Variants in HTR7 observed in about 807,000 individuals in gnomAD.
HTR7 encodes the protein 5-HT-7.
In HTR7, 16 loss-of-function variants were observed where a neutral mutation model predicts 34.0. The observed-to-expected ratio is 0.47, with a 90% CI of 0.32 to 0.71. The LOEUF is 0.71. Among genes scored for constraint, HTR7 ranks in the 30% least tolerant of loss-of-function variants. The probability of loss-of-function intolerance (pLI) is 0.04; values close to 1 mark genes in which losing one functional copy is unlikely to be tolerated. For synonymous variants in HTR7, 265 were observed against 260.2 expected (o/e 1.02, Z -0.18); for missense variants, 504 against 625.5 (o/e 0.81, Z 2.07).
chr10:90,818,050 T>A (rs1238379762), intron 1 of HTR7, among the ~76,000 whole-genome samples: 2 of 152,004 alleles, frequency 1.3e-5, no homozygotes, highest in Non-Finnish European at 2.9e-5. Flanking sequence ...AGGACAGAAG[T>A]GGGTATAGAC....
chr10:90,775,885 T>C (rs1845199315), intron 1 of HTR7, among the ~76,000 whole-genome samples: 1 of 152,018 alleles, frequency 6.6e-6, no homozygotes, highest in South Asian at 2.1e-4. Flanking sequence ...AAACCACAAA[T>C]GAGAGCCATA....
chr10:90,766,898 C>G (rs986828015), intron 1 of HTR7, among the ~76,000 whole-genome samples: 14 of 152,242 alleles, frequency 9.2e-5, no homozygotes, highest in African/African-American at 3.4e-4. Flanking sequence ...GACAGGCCAA[C>G]TGGTAGCATT....
chr10:90,821,090 A>C (rs1845971246), intron 1 of HTR7, among the ~76,000 whole-genome samples: 1 of 151,550 alleles, frequency 6.6e-6, no homozygotes, highest in Admixed American at 6.6e-5. Flanking sequence ...AGAAATATCA[A>C]GTTTAACAGC....
chr10:90,789,594 G>A (rs1161559344), intron 1 of HTR7, among the ~76,000 whole-genome samples: 1 of 152,084 alleles, frequency 6.6e-6, no homozygotes, highest in African/African-American at 2.4e-5. Context: ...AAGGTTAACA[G>A]ACAATTAAGA....
At chr10:90,818,123 T>C (rs1245471582) in intron 1 of HTR7, among the ~76,000 whole-genome samples, 1 of 152,234 alleles carries the variant, frequency 6.6e-6, no homozygotes, top group African/African-American at 2.4e-5. Context: ...TATGTTGGAA[T>C]CTTAATCCCC....
chr10:90,847,722 A>G (rs1181408812), intron 1 of HTR7, among the ~76,000 whole-genome samples: 1 of 152,226 alleles, frequency 6.6e-6, no homozygotes, highest in African/African-American at 2.4e-5. Context: ...TGTAACCATG[A>G]ACAACCCAAA....
chr10:90,848,388 A>G (rs1846445591), intron 1 of HTR7, among the ~76,000 whole-genome samples: 3 of 152,038 alleles, frequency 2.0e-5, no homozygotes, highest in Admixed American at 2.0e-4. Flanking sequence ...CTTATGATAT[A>G]TATTTCCTTC....
At chr10:90,794,206 A>G (rs1845501302) in intron 1 of HTR7, among the ~76,000 whole-genome samples, 1 of 152,216 alleles carries the variant, frequency 6.6e-6, no homozygotes, top group Non-Finnish European at 1.5e-5. Context: ...AGGATCATCA[A>G]TATCACTGTC....
Position 90,857,035 on chromosome 10 carries a change from G to A in HTR7, c.539+98C>T. On this transcript the variant is annotated intron_variant, in intron 1 of 3. Transcript: ENST00000336152. The surrounding 1 kb of genome is among the most constrained non-coding windows in gnomAD (Gnocchi z 6.5). Reference sequence around the variant, plus strand: ...TAAGCGCAGCCCTTCATCCCGCCTTGAAGTCTAGCTTGATCCTCCCAGGAA... The same window carrying A: ...TAAGCGCAGCCCTTCATCCCGCCTTAAAGTCTAGCTTGATCCTCCCAGGAA... The A allele has an allele frequency of 8.6e-7, 1 of 1,158,036 alleles. No individual in the cohort carries two copies. The highest frequency in any genetic ancestry group is 1.2e-6 in the Non-Finnish European group (1 of 831,222). 71.7% of individuals were successfully genotyped at this position (1,158,036 alleles called of 1,614,324 possible).
rs549003729 is a variant in HTR7 at position 90,745,427 on chromosome 10, T to C, written c.1296-1737A>G. Among the ~76,000 whole-genome samples the C allele has an allele frequency of 9.9e-5, 15 of 152,276 alleles. No individual in the cohort carries two copies. In the South Asian group the frequency reaches 1.0e-3, roughly 11 times the overall value. On this transcript the variant is annotated intron_variant, in intron 2 of 3. Coordinates refer to ENST00000336152, the MANE Select transcript of HTR7 (RefSeq NM_019859.4). ...CTAATTACCTCCTAAAGAATCCACA[T>C]TTTCATAGTATTGCATTGGGAATTT...
At chr10:90,841,895 A>G (rs1236204889) in intron 1 of HTR7, among the ~76,000 whole-genome samples, 1 of 152,086 alleles carries the variant, frequency 6.6e-6, no homozygotes, top group Non-Finnish European at 1.5e-5. Flanking sequence ...AGCTACTTGG[A>G]AGGCTGAGGC....
chr10:90,741,227 G>T lies in HTR7; in HGVS notation c.*1255C>A, dbSNP rs550460183. The T allele has an allele frequency of 1.1e-4, 17 of 152,540 alleles. 1 individual carries two copies. Among genetic ancestry groups the T allele is most frequent in the Non-Finnish European group, 2.2e-4 (15 of 67,984 alleles). 9.4% of individuals were successfully genotyped at this position (152,540 alleles called of 1,614,324 possible). ...TTCATTTTTCCCCTTGTAGGTACAG[G>T]TACTCTTCTATTCTCATCTACTGTC... is the stretch of plus-strand genomic sequence containing the variant. On this transcript the variant is annotated 3_prime_UTR_variant, in exon 4 of 4. Transcript: ENST00000336152.
chr10:90,850,836 G>C (rs1846486620), intron 1 of HTR7, among the ~76,000 whole-genome samples: 1 of 152,026 alleles, frequency 6.6e-6, no homozygotes, highest in African/African-American at 2.4e-5. Flanking sequence ...CAAAACTCAA[G>C]CACAGATGTA....
chr10:90,856,994 G>C, intron 1 of HTR7, 139 bp downstream of exon 1: 1 of 742,046 alleles, frequency 1.3e-6, no homozygotes, highest in Non-Finnish European at 2.2e-6. Context: ...AGGGTGGATT[G>C]GGGGGAGCGG....
intron 1 of HTR7, among the ~76,000 whole-genome samples, chr10:90,826,709 G>A (rs1170806334): frequency 7.3e-5 from 11 of 151,692 alleles, no homozygotes; most frequent in East Asian, 3.9e-4. Flanking sequence ...AGGCTGAGGC[G>A]GGCGGATCAC....
At chr10:90,823,322 C>G (rs944538235) in intron 1 of HTR7, among the ~76,000 whole-genome samples, 3 of 152,182 alleles carry the variant, frequency 2.0e-5, no homozygotes, top group Admixed American at 2.0e-4. Context: ...TCAGTATGGC[C>G]TACAAATGAG....
intron 1 of HTR7, among the ~76,000 whole-genome samples, chr10:90,786,821 G>A (rs915263745): frequency 6.6e-6 from 1 of 152,188 alleles, no homozygotes; most frequent in African/African-American, 2.4e-5. Flanking sequence ...CAGGATGAGT[G>A]GTGATACCTC....
Position 90,857,441 on chromosome 10 carries a change from G to C in HTR7, c.231C>G (p.Gly77=). The C allele has an allele frequency of 1.2e-6, 2 of 1,613,998 alleles. No homozygotes were observed. The highest frequency in any genetic ancestry group is 1.7e-6 in the Non-Finnish European group (2 of 1,180,020). Residue 77 remains glycine, a synonymous_variant, in exon 1 of 4, where the codon GGC becomes GGG. Transcript: ENST00000336152. The surrounding 1 kb of genome is among the most constrained non-coding windows in gnomAD (Gnocchi z 6.5). ...AGCCGATCACAACTTTCTCGACTCT[G>C]CCGTAGTTGATCTGTTCCCCACAGC... ...ASGCGEQINY[G]RVEKVVIGSI...
At chr10:90,748,749 A>T in intron 2 of HTR7, 90 bp downstream of exon 2, 1 of 1,346,040 alleles carries the variant, frequency 7.4e-7, no homozygotes, top group Non-Finnish European at 1.0e-6. Flanking sequence ...TAAGCTAGCT[A>T]CTCGTTCAGG....
Sources: allele counts gnomAD v4.1 joint callset (sites outside exome capture counted in the v4.1 genomes callset), GRCh38; gene constraint gnomAD v4.1.1; non-coding constraint Gnocchi (gnomAD v3.1); transcripts MANE v1.5; gene names NCBI Gene and HGNC (gene_info 2026-07-23, HGNC 2026-07-21).